SPACA1: variants seen among roughly 807,000 people sequenced by gnomAD.
SPACA1 encodes sperm acrosome associated 1.
A neutral mutation model predicts 32.6 loss-of-function variants in SPACA1; 17 were observed. The ratio of observed to expected loss-of-function variants is 0.52; its 90% CI spans 0.36 to 0.78. The LOEUF is 0.78. SPACA1 is among the 30% of genes least tolerant of loss of function. SPACA1 has a pLI of 0.01. For synonymous variants in SPACA1, 140 were observed against 138.1 expected (o/e 1.01, Z -0.10); for missense variants, 363 against 373.4 (o/e 0.97, Z 0.23).
chr6:88,050,666 A>T (rs947967546), intron 1 of SPACA1, among the ~76,000 whole-genome samples: 1 of 152,260 alleles, frequency 6.6e-6, no homozygotes, highest in Non-Finnish European at 1.5e-5. Flanking sequence ...ATATGAAAAC[A>T]TGGGATGTTG....
chr6:88,058,660 G>T, intron 3 of SPACA1, 56 bp from the exon 4 acceptor site: 3 of 1,250,892 alleles, frequency 2.4e-6, no homozygotes, highest in African/African-American at 1.5e-5. Flanking sequence ...AAGTAATTTC[G>T]TGTATAAAGC....
upstream of SPACA1, chr6:88,047,744 C>G (rs111801093): frequency 0.011 from 8,268 of 721,030 alleles, 68 homozygotes; most frequent in South Asian, 0.012. Flanking sequence ...TCCAGGCGCT[C>G]AGCACCGGAG....
At chr6:88,047,793 C>T (rs943750011), upstream of SPACA1, 9 of 1,082,730 alleles carry the variant, frequency 8.3e-6, no homozygotes, top group African/African-American at 4.8e-5. Context: ...CGGTTCGTCA[C>T]GGGATTCGGA....
At chr6:88,049,367 A>G (rs1280144941) in intron 1 of SPACA1, among the ~76,000 whole-genome samples, 1 of 152,196 alleles carries the variant, frequency 6.6e-6, no homozygotes, top group African/African-American at 2.4e-5. Context: ...TAGGTTAGTT[A>G]CTTATTCTCT....
intron 1 of SPACA1, among the ~76,000 whole-genome samples, chr6:88,052,869 C>G: frequency 6.6e-6 from 1 of 152,094 alleles, no homozygotes; most frequent in East Asian, 1.9e-4. Context: ...ATTTGGTGCT[C>G]TTAAGTACAG....
Position 88,048,102 on chromosome 6 carries a change from A to C in SPACA1, c.197A>C (p.Glu66Ala), listed in dbSNP as rs1775671853. Reference sequence around the variant, plus strand: ...ACCGCGGAGAACTACGCTCCGCCTGAAACCGAGGATGGTGAGGGCGGGAGC... The same window carrying C: ...ACCGCGGAGAACTACGCTCCGCCTGCAACCGAGGATGGTGAGGGCGGGAGC... ...SETAENYAPP[E>A]TEDVSNRNVV... is the part of the protein sequence containing the mutation. Residue 66 changes from glutamate to alanine, a missense_variant, in exon 1 of 7, where the codon GAA (glutamate) becomes GCA (alanine). Glu to Ala is a moderately radical substitution (Grantham distance 107). Transcript: ENST00000237201. The C allele has an allele frequency of 1.9e-6, 3 of 1,591,800 alleles. No individual in the cohort carries two copies. The highest frequency in any genetic ancestry group is 2.7e-5 in the African/African-American group (2 of 74,814).
intron 5 of SPACA1, among the ~76,000 whole-genome samples, chr6:88,062,090 T>C (rs1676585432): frequency 6.6e-6 from 1 of 152,180 alleles, no homozygotes; most frequent in Non-Finnish European, 1.5e-5. Flanking sequence ...TATTTTGAAA[T>C]AAAAAGATTT....
At chr6:88,047,082 T>A (rs574486137), upstream of SPACA1, among the ~76,000 whole-genome samples, 1 of 152,248 alleles carries the variant, frequency 6.6e-6, no homozygotes, top group South Asian at 2.1e-4. Flanking sequence ...AATAACAGAA[T>A]CAAAAAAGTC....
chr6:88,052,879 G>T (rs1275028898), intron 1 of SPACA1, among the ~76,000 whole-genome samples: 1 of 152,110 alleles, frequency 6.6e-6, no homozygotes, highest in Non-Finnish European at 1.5e-5. Context: ...CTTAAGTACA[G>T]AATAGTAGTG....
chr6:88,061,705 G>A (rs1775900116), intron 5 of SPACA1, among the ~76,000 whole-genome samples: 2 of 143,998 alleles, frequency 1.4e-5, no homozygotes, highest in Admixed American at 7.0e-5. Context: ...CCAAAACTGC[G>A]AGACAATACA....
At chr6:88,054,075 G>A in intron 2 of SPACA1, 73 bp downstream of exon 2, 2 of 1,353,844 alleles carry the variant, frequency 1.5e-6, no homozygotes, top group South Asian at 2.5e-5. Context: ...CAGATAGTGT[G>A]CAACTTTGTA....
chr6:88,059,070 C>T (rs200590002), intron 4 of SPACA1, among the ~76,000 whole-genome samples: 4 of 152,156 alleles, frequency 2.6e-5, no homozygotes, highest in Non-Finnish European at 5.9e-5. Context: ...TATTCCATTT[C>T]GGAAGGAAGG....
chr6:88,057,106 TC>T (rs1349529679), intron 2 of SPACA1, among the ~76,000 whole-genome samples: 1 of 152,186 alleles, frequency 6.6e-6, no homozygotes, highest in Non-Finnish European at 1.5e-5. Flanking sequence ...TTCCATCAAA[TC>T]CACGAATTTA....
intron 5 of SPACA1, 106 bp downstream of exon 5, chr6:88,059,694 GT>G: frequency 8.7e-7 from 1 of 1,144,790 alleles, no homozygotes; most frequent in Non-Finnish European, 1.2e-6. Flanking sequence ...TCCCCCCAGA[GT>G]TTCTGATTCA....
rs761533700 is a variant in SPACA1, at chr6:88,066,374, A to G, written c.*39A>G. 7 of 1,508,112 alleles carry G rather than the reference A, an allele frequency of 4.6e-6. No individual in the cohort carries two copies. The Admixed American group carries it at 8.4e-5, about 18-fold the overall frequency. The allele number at this position is 1,508,112 out of a possible 1,614,324, so 93.4% of individuals were successfully genotyped here. A position where few individuals can be genotyped will look rare whatever the true frequency, so the allele number is the denominator to read the frequency against. On this transcript the variant is annotated 3_prime_UTR_variant, in exon 7 of 7. Coordinates refer to ENST00000237201, the MANE Select transcript of SPACA1 (RefSeq NM_030960.3). ...TATAACAAACCAAAGGATATTACAG[A>G]ATATTAGATTCATTATTACAAAAAT...
At chr6:88,065,045 A>G (rs1359649767) in intron 6 of SPACA1, among the ~76,000 whole-genome samples, 3 of 148,918 alleles carry the variant, frequency 2.0e-5, no homozygotes, top group Middle Eastern at 3.6e-3. Context: ...TATATGTAGT[A>G]TGTATGTATA....
At position 88,047,911 on chromosome 6, in the gene SPACA1, C is replaced by G; in HGVS notation, c.6C>G (p.Ser2Arg). 6.4e-7 allele frequency: 1 copy of G among 1,553,082 alleles called. No individual in the cohort carries two copies. Among genetic ancestry groups the G allele is most frequent in the Non-Finnish European group, 8.7e-7 (1 of 1,149,014 alleles). ...GGCCGTCGGGGCCGAGAACCATGAG[C>G]CCCAGGGGCACGGGCTGCTCCGCCG... The part of the protein sequence containing the change: M[S>R]PRGTGCSAGL... The change falls in exon 1 of 7, where the codon AGC becomes AGG. Residue 2 changes from serine to arginine, a missense_variant. Coordinates refer to ENST00000237201, the MANE Select transcript of SPACA1 (RefSeq NM_030960.3).
At chr6:88,051,347 T>A (rs1328902780) in intron 1 of SPACA1, among the ~76,000 whole-genome samples, 3 of 152,196 alleles carry the variant, frequency 2.0e-5, no homozygotes, top group Admixed American at 6.5e-5. Context: ...TATAACTATA[T>A]GTTATTTTTG....
intron 1 of SPACA1, 90 bp downstream of exon 1, chr6:88,048,203 T>G (rs1775673890): frequency 7.6e-7 from 1 of 1,314,252 alleles, no homozygotes; most frequent in South Asian, 1.4e-5. Flanking sequence ...TAATTATGTG[T>G]GTTAACGTCA....
Sources: gnomAD v4.1 joint callset for allele counts (sites outside exome capture counted in the v4.1 genomes callset) on GRCh38, gnomAD v4.1.1 for gene constraint, MANE v1.5 for transcripts, NCBI Gene and HGNC (gene_info 2026-07-23, HGNC 2026-07-21) for gene names.